ZBTB20: variants seen among roughly 807,000 people sequenced by gnomAD.
The protein encoded by ZBTB20 is zinc finger and BTB domain containing 20.
A neutral mutation model predicts 56.9 loss-of-function variants in ZBTB20; 9 were observed. That is an observed-to-expected ratio of 0.16 (90% CI 0.10 to 0.28). The LOEUF (loss-of-function observed/expected upper bound fraction) is 0.28. Ranked by LOEUF, ZBTB20 falls within the 10% of genes least tolerant of loss-of-function variation. The pLI is 1.00. For synonymous variants in ZBTB20, 417 were observed against 420.7 expected, an observed-to-expected ratio of 0.99 and a Z score of 0.11; for missense variants, 655 against 1,003.0, an observed-to-expected ratio of 0.65 and a Z score of 4.69.
intron 7 of ZBTB20, among the ~76,000 whole-genome samples, chr3:114,461,052 T>C (rs940587760): frequency 4.6e-5 from 7 of 152,208 alleles, no homozygotes; most frequent in Non-Finnish European, 7.3e-5. Context: ...TCCTGTCTTA[T>C]AGTAACTCTT....
chr3:114,420,575 C>T (rs1028710445), intron 7 of ZBTB20, among the ~76,000 whole-genome samples: 1 of 152,098 alleles, frequency 6.6e-6, no homozygotes, highest in Non-Finnish European at 1.5e-5. Context: ...TTTGAAAAAT[C>T]ATAGCACTCT....
At chr3:114,721,894 A>C (rs2064943317) in intron 5 of ZBTB20, among the ~76,000 whole-genome samples, 1 of 152,202 alleles carries the variant, frequency 6.6e-6, no homozygotes, top group South Asian at 2.1e-4. Context: ...CACATTGTAC[A>C]TTTGTTCCTA....
At chr3:115,020,851 C>T (rs951319815) in intron 2 of ZBTB20, among the ~76,000 whole-genome samples, 9 of 151,048 alleles carry the variant, frequency 6.0e-5, no homozygotes, top group East Asian at 2.0e-4. Flanking sequence ...CATTGAATAG[C>T]TTTATTATAA....
chr3:114,775,848 G>A (rs187653042), intron 5 of ZBTB20, among the ~76,000 whole-genome samples: 16 of 152,232 alleles, frequency 1.1e-4, no homozygotes, highest in Middle Eastern at 3.4e-3. Context: ...ACTGAGGAAA[G>A]GCAGAACTGG....
chr3:115,076,192 G>C, intron 1 of ZBTB20, among the ~76,000 whole-genome samples: 1 of 152,098 alleles, frequency 6.6e-6, no homozygotes, highest in East Asian at 1.9e-4. Context: ...GTGATCTATA[G>C]AGTCAATTCT....
intron 6 of ZBTB20, among the ~76,000 whole-genome samples, chr3:114,640,102 T>C (rs1034851232): frequency 6.6e-6 from 1 of 152,014 alleles, no homozygotes; most frequent in African/African-American, 2.4e-5. Flanking sequence ...AAATGGGTTT[T>C]CCCATTTGAC....
chr3:115,103,427 A>C (rs142348904), intron 1 of ZBTB20, among the ~76,000 whole-genome samples: 85 of 152,368 alleles, frequency 5.6e-4, no homozygotes, highest in African/African-American at 1.9e-3. Flanking sequence ...AGTTGGACAA[A>C]TGAAACTACC....
At position 114,795,702 on chromosome 3, in the gene ZBTB20, C is replaced by T. The variant is rs2071296472; in HGVS notation, c.-343+5399G>A. On this transcript the variant is annotated intron_variant, in intron 5 of 11. Coordinates refer to ENST00000675478, the MANE Select transcript of ZBTB20 (RefSeq NM_001348800.3). ...ACTCAATGTTGTCTTGCATACATAA[C>T]ACTTTATGTGGACCACAGCTTGTAA... Among the ~76,000 whole-genome samples, 3 of 152,090 alleles carry T rather than the reference C, an allele frequency of 2.0e-5. No homozygotes were observed. The South Asian group carries it at 6.2e-4, about 31-fold the overall frequency.
rs536733581 is a variant in ZBTB20, at chr3:114,403,771, G to A, written c.-254-14666C>T. 1.2e-4 allele frequency among the ~76,000 whole-genome samples: 19 copies of A among 152,130 alleles called. 1 individual carries two copies. The South Asian group carries it at 3.7e-3, about 30-fold the overall frequency. On this transcript the variant is annotated intron_variant, in intron 7 of 11. Coordinates refer to ENST00000675478, the MANE Select transcript of ZBTB20 (RefSeq NM_001348800.3). ...AATCCAGATATACAAAACAACATTG[G>A]TGGGATAAGTCAAATAATTCTCTAA...
At chr3:115,146,760 C>T (rs1366022375) in intron 1 of ZBTB20, among the ~76,000 whole-genome samples, 3 of 152,258 alleles carry the variant, frequency 2.0e-5, no homozygotes, top group East Asian at 1.9e-4. Context: ...GACAAGCGGG[C>T]GCCTCTAGCA....
intron 6 of ZBTB20, among the ~76,000 whole-genome samples, chr3:114,516,624 T>G (rs920566563): frequency 4.6e-5 from 7 of 152,136 alleles, no homozygotes; most frequent in Non-Finnish European, 1.0e-4. Flanking sequence ...ATAGGGTCAT[T>G]GAAGATGTGA....
At chr3:114,347,347 T>G (rs1337059425) in intron 11 of ZBTB20, among the ~76,000 whole-genome samples, 2 of 152,214 alleles carry the variant, frequency 1.3e-5, no homozygotes, top group African/African-American at 2.4e-5. Context: ...AAATTTCTTT[T>G]TAACTTTGTC....
chr3:115,125,435 A>G (rs973803070), intron 1 of ZBTB20, among the ~76,000 whole-genome samples: 12 of 152,194 alleles, frequency 7.9e-5, no homozygotes, highest in African/African-American at 2.9e-4. Context: ...TGTGACATCA[A>G]TGAACCTGAA....
intron 2 of ZBTB20, among the ~76,000 whole-genome samples, chr3:114,974,744 T>C (rs1275865872): frequency 6.6e-6 from 1 of 152,150 alleles, no homozygotes; most frequent in South Asian, 2.1e-4. Flanking sequence ...CCCAAATTGC[T>C]TTTAACCTAT....
intron 4 of ZBTB20, among the ~76,000 whole-genome samples, chr3:114,842,272 G>T (rs1368438368): frequency 6.6e-6 from 1 of 152,068 alleles, no homozygotes; most frequent in Non-Finnish European, 1.5e-5. Flanking sequence ...TTAGAGGGGT[G>T]AAGTTTTTTT....
chr3:114,427,585 G>A (rs868773143), intron 7 of ZBTB20, among the ~76,000 whole-genome samples: 2 of 152,206 alleles, frequency 1.3e-5, no homozygotes, highest in South Asian at 2.1e-4. Flanking sequence ...TGACACAGAT[G>A]AGACAACAAC....
In ZBTB20 at chr3:114,350,990, G is replaced by T; in HGVS notation, c.1088C>A (p.Ala363Asp). ...TTTGGGCTCACTCTCGGTGCCCTCG[G>T]CCTGGTCTGTGTCTTCCGTGCACTC... ...SEECTEDTDQ[A>D]EGTESEPKGE... The change falls in exon 11 of 12, where the codon GCC becomes GAC. Residue 363 changes from alanine to aspartate, a missense_variant. Coordinates refer to ENST00000675478, the MANE Select transcript of ZBTB20 (RefSeq NM_001348800.3). 1 of 1,609,492 alleles carries T rather than the reference G, an allele frequency of 6.2e-7. No individual in the cohort carries two copies.
At chr3:114,810,915 T>TG (rs1041485831) in intron 4 of ZBTB20, among the ~76,000 whole-genome samples, 7 of 151,940 alleles carry the variant, frequency 4.6e-5, no homozygotes, top group Non-Finnish European at 1.0e-4. Flanking sequence ...TTTAAAGGTT[T>TG]GGGGGGGATT....
At chr3:114,922,286 C>T (rs550569870) in intron 3 of ZBTB20, among the ~76,000 whole-genome samples, 1 of 152,230 alleles carries the variant, frequency 6.6e-6, no homozygotes, top group Admixed American at 6.5e-5. Flanking sequence ...AGCATACTCA[C>T]TCTCACTATT....
Sources: gnomAD v4.1 joint callset for allele counts (sites outside exome capture counted in the v4.1 genomes callset) on GRCh38, gnomAD v4.1.1 for gene constraint, MANE v1.5 for transcripts, NCBI Gene and HGNC (gene_info 2026-07-23, HGNC 2026-07-21) for gene names.